The following ZCCHC7 variants were observed in gnomAD, a reference collection of about 807,000 sequenced individuals.
ZCCHC7 encodes zinc finger CCHC-type containing 7.
Under a neutral mutation model 52.0 loss-of-function variants are expected in ZCCHC7, and 35 were observed. The observed-to-expected ratio is 0.67, with a 90% CI of 0.51 to 0.89. ZCCHC7 has a LOEUF of 0.89. ZCCHC7 is among the 40% of genes least tolerant of loss of function. ZCCHC7 has a pLI of 0.00. For missense variants in ZCCHC7, 574 were observed against 649.1 expected, an observed-to-expected ratio of 0.88 and a Z score of 1.26; for synonymous variants, 217 against 221.5, an observed-to-expected ratio of 0.98 and a Z score of 0.18.
intron 6 of ZCCHC7, among the ~76,000 whole-genome samples, chr9:37,342,784 T>C (rs990356158): frequency 6.6e-6 from 1 of 152,214 alleles, no homozygotes; most frequent in Non-Finnish European, 1.5e-5. Context: ...TATTCCCGTT[T>C]TACAGATGAG....
Position 37,356,911 on chromosome 9 carries a change from T to C in ZCCHC7, c.1275T>C (p.His425=). The C allele has an allele frequency of 6.2e-7, 1 of 1,613,344 alleles. No individual in the cohort carries two copies. Among genetic ancestry groups the C allele is most frequent in the African/African-American group, 1.3e-5 (1 of 74,774 alleles). The change falls in exon 9 of 9, where the codon CAT becomes CAC. Residue 425 remains histidine, a synonymous_variant. Transcript: ENST00000336755. ...YIKAANENPH[H]DIRKGRASWK... is the part of the protein sequence containing the mutation. ...AAGCAGCAAATGAGAACCCCCACCATGATATAAGGAAGGGCCGTGCCTCAT... is the reference window on the plus strand; with the variant it reads ...AAGCAGCAAATGAGAACCCCCACCACGATATAAGGAAGGGCCGTGCCTCAT...
intron 2 of ZCCHC7, among the ~76,000 whole-genome samples, chr9:37,191,375 A>AT (rs1307898908): frequency 6.6e-6 from 1 of 152,022 alleles, no homozygotes; most frequent in Non-Finnish European, 1.5e-5. Flanking sequence ...TATATTGAAC[A>AT]TTTTTTGTCA....
At chr9:37,337,785 T>C (rs1830746440) in intron 6 of ZCCHC7, among the ~76,000 whole-genome samples, 1 of 152,202 alleles carries the variant, frequency 6.6e-6, no homozygotes, top group Non-Finnish European at 1.5e-5. Context: ...CACTTAATGT[T>C]GCACATTACT....
chr9:37,225,821 A>T (rs1825069591), intron 2 of ZCCHC7, among the ~76,000 whole-genome samples: 1 of 152,240 alleles, frequency 6.6e-6, no homozygotes, highest in African/African-American at 2.4e-5. Flanking sequence ...AGGACCTTTT[A>T]AAAAACCTGC....
intron 2 of ZCCHC7, among the ~76,000 whole-genome samples, chr9:37,276,434 A>G (rs1349276405): frequency 6.6e-6 from 1 of 152,196 alleles, no homozygotes. Context: ...CTTACCTACT[A>G]TGTGACCATG....
At chr9:37,216,549 C>T (rs1271748198) in intron 2 of ZCCHC7, among the ~76,000 whole-genome samples, 1 of 152,106 alleles carries the variant, frequency 6.6e-6, no homozygotes, top group African/African-American at 2.4e-5. Context: ...TGGCACACAC[C>T]TGTATTCCCA....
intron 2 of ZCCHC7, among the ~76,000 whole-genome samples, chr9:37,180,098 C>T (rs189366419): frequency 1.5e-4 from 23 of 152,090 alleles, no homozygotes; most frequent in Non-Finnish European, 2.1e-4. Context: ...TAGTAGACTA[C>T]TCAATAAATA....
chr9:37,184,281 A>G (rs751273682), intron 2 of ZCCHC7, among the ~76,000 whole-genome samples: 6 of 151,894 alleles, frequency 4.0e-5, no homozygotes, highest in African/African-American at 1.2e-4. Flanking sequence ...AACTTGGTCT[A>G]TATCATCTGA....
At chr9:37,164,867 C>A (rs1301033405) in intron 2 of ZCCHC7, among the ~76,000 whole-genome samples, 3 of 152,182 alleles carry the variant, frequency 2.0e-5, no homozygotes, top group Admixed American at 2.0e-4. Context: ...CACCCAGATG[C>A]ATTTCTGTAT....
intron 2 of ZCCHC7, among the ~76,000 whole-genome samples, chr9:37,171,589 A>T (rs1821731078): frequency 6.6e-6 from 1 of 151,752 alleles, no homozygotes; most frequent in Non-Finnish European, 1.5e-5. Context: ...AGCTAATTTT[A>T]AAAAGTTTTT....
chr9:37,206,332 C>T (rs572604350), intron 2 of ZCCHC7, among the ~76,000 whole-genome samples: 2 of 146,778 alleles, frequency 1.4e-5, no homozygotes, highest in African/African-American at 2.5e-5. Context: ...CCCCACTTCT[C>T]TCTCATTCCT....
chr9:37,153,754 C>T (rs1489293670), intron 2 of ZCCHC7, among the ~76,000 whole-genome samples: 2 of 151,832 alleles, frequency 1.3e-5, no homozygotes, highest in African/African-American at 4.8e-5. Context: ...TCTTTCTTTC[C>T]CCAGACCTAG....
Position 37,354,874 on chromosome 9 carries a change from T to A in ZCCHC7, c.1198+50T>A, listed in dbSNP as rs921081949. The A allele has an allele frequency of 3.8e-6, 5 of 1,310,656 alleles. No homozygotes were observed. In the African/African-American group the frequency reaches 5.8e-5, roughly 15 times the overall value. The allele number at this position is 1,310,656 out of a possible 1,614,324, so 81.2% of individuals were successfully genotyped here. ...ATCACATTTGCAGTAGTTTCTAAAT[T>A]TCTTTGTTTGTACTGTCTTTGCCTG... On this transcript the variant is annotated intron_variant, in intron 8 of 8. Transcript: ENST00000336755. The surrounding 1 kb of genome is among the most constrained non-coding windows in gnomAD (Gnocchi z 4.0).
chr9:37,314,184 A>G (rs935904289), intron 5 of ZCCHC7, among the ~76,000 whole-genome samples: 4 of 152,114 alleles, frequency 2.6e-5, no homozygotes, highest in African/African-American at 9.7e-5. Context: ...CATTCTGCAG[A>G]CCCTTACCTT....
At chr9:37,141,357 T>A (rs1006444548) in intron 2 of ZCCHC7, among the ~76,000 whole-genome samples, 6 of 151,940 alleles carry the variant, frequency 3.9e-5, no homozygotes, top group African/African-American at 1.4e-4. Flanking sequence ...TCTATTTGTG[T>A]GTTCTTTGTT....
At chr9:37,268,436 T>A (rs1181806535) in intron 2 of ZCCHC7, among the ~76,000 whole-genome samples, 1 of 151,148 alleles carries the variant, frequency 6.6e-6, no homozygotes, top group African/African-American at 2.4e-5. Context: ...AATTTCTATT[T>A]TTTTTTTTGA....
chr9:37,264,529 T>C (rs1052685055), intron 2 of ZCCHC7, among the ~76,000 whole-genome samples: 1 of 152,184 alleles, frequency 6.6e-6, no homozygotes, highest in Non-Finnish European at 1.5e-5. Flanking sequence ...TTGTGTATTG[T>C]GAACACACCA....
chr9:37,187,778 C>T (rs1822744110), intron 2 of ZCCHC7, among the ~76,000 whole-genome samples: 1 of 152,064 alleles, frequency 6.6e-6, no homozygotes, highest in Admixed American at 6.5e-5. Flanking sequence ...GTGTTCAGTA[C>T]AGATGCAATT....
intron 2 of ZCCHC7, among the ~76,000 whole-genome samples, chr9:37,194,842 C>A (rs1260715504): frequency 1.3e-5 from 2 of 151,998 alleles, no homozygotes; most frequent in Non-Finnish European, 2.9e-5. Flanking sequence ...TATACAAATT[C>A]TCTATCCAAA....
Sources: allele counts gnomAD v4.1 joint callset (sites outside exome capture counted in the v4.1 genomes callset), GRCh38; gene constraint gnomAD v4.1.1; non-coding constraint Gnocchi (gnomAD v3.1); transcripts MANE v1.5; gene names NCBI Gene and HGNC (gene_info 2026-07-23, HGNC 2026-07-21).